SLC35F4: variants seen among roughly 807,000 people sequenced by gnomAD.
The protein encoded by SLC35F4 is solute carrier family 35 member F4.
Under a neutral mutation model 44.2 loss-of-function variants are expected in SLC35F4, and 24 were observed. The observed-to-expected ratio is 0.54, with a 90% CI of 0.39 to 0.76. The LOEUF (loss-of-function observed/expected upper bound fraction) is 0.76, where lower values mean the gene tolerates loss of function less well. Ranked by LOEUF, SLC35F4 falls within the 30% of genes least tolerant of loss-of-function variation. SLC35F4 has a pLI of 0.00. For missense variants in SLC35F4, 562 were observed against 586.1 expected (o/e 0.96, Z 0.42); for synonymous variants, 238 against 223.6 (o/e 1.06, Z -0.57).
intron 1 of SLC35F4, chr14:57,630,138 C>T (rs1380257877): frequency 3.6e-6 from 2 of 552,170 alleles, no homozygotes; most frequent in African/African-American, 3.8e-5. Flanking sequence ...TTGTGGATGG[C>T]AGATTAAAAT....
At chr14:57,883,369 T>C (rs745860582) in intron 1 of SLC35F4, among the ~76,000 whole-genome samples, 5 of 152,184 alleles carry the variant, frequency 3.3e-5, no homozygotes, top group Admixed American at 6.5e-5. Context: ...AGAATCCCTG[T>C]GGTAGTTACT....
At chr14:57,626,024 G>T (rs1255874116) in intron 1 of SLC35F4, among the ~76,000 whole-genome samples, 1 of 151,106 alleles carries the variant, frequency 6.6e-6, no homozygotes. Context: ...CATTTGCAGG[G>T]ACATGGATGA....
chr14:57,829,686 T>C (rs1446288458), intron 1 of SLC35F4, among the ~76,000 whole-genome samples: 1 of 152,188 alleles, frequency 6.6e-6, no homozygotes. Context: ...CTGTGGCTCC[T>C]TTCCTGGGTG....
intron 1 of SLC35F4, among the ~76,000 whole-genome samples, chr14:57,925,815 T>C (rs1020999211): frequency 6.6e-6 from 1 of 152,182 alleles, no homozygotes; most frequent in African/African-American, 2.4e-5. Flanking sequence ...TTACACAAGG[T>C]ACACAATTTG....
At chr14:57,720,107 A>G (rs1302930554) in intron 1 of SLC35F4, among the ~76,000 whole-genome samples, 1 of 152,226 alleles carries the variant, frequency 6.6e-6, no homozygotes, top group African/African-American at 2.4e-5. Context: ...ATGATGTATC[A>G]CATTGTTTGA....
chr14:57,607,287 C>G (rs2071217098), intron 1 of SLC35F4, among the ~76,000 whole-genome samples: 1 of 152,150 alleles, frequency 6.6e-6, no homozygotes, highest in African/African-American at 2.4e-5. Context: ...ATGCTATTAG[C>G]ATATACATAT....
chr14:57,724,908 A>G (rs2076165837), intron 1 of SLC35F4, among the ~76,000 whole-genome samples: 1 of 152,190 alleles, frequency 6.6e-6, no homozygotes, highest in Non-Finnish European at 1.5e-5. Context: ...ATGGCCAGAT[A>G]TGTGATTATA....
chr14:57,979,535 T>C (rs12432730), intron 1 of SLC35F4, among the ~76,000 whole-genome samples: 56,268 of 152,080 alleles, frequency 0.37, 11,102 homozygotes, highest in African/African-American at 0.52. Context: ...TGCTTCAGGA[T>C]TCCTCTGAAG....
intron 1 of SLC35F4, among the ~76,000 whole-genome samples, chr14:57,802,376 A>G (rs561886497): frequency 1.3e-5 from 2 of 152,212 alleles, no homozygotes; most frequent in East Asian, 3.9e-4. Context: ...TCAAAAAGCT[A>G]GAAAGATCTC....
chr14:57,944,105 G>C (rs1889965615), intron 1 of SLC35F4, among the ~76,000 whole-genome samples: 1 of 152,078 alleles, frequency 6.6e-6, no homozygotes, highest in African/African-American at 2.4e-5. Context: ...TCACATTCTT[G>C]TGATTGCAGG....
At chr14:57,622,046 A>T (rs2072209880) in intron 1 of SLC35F4, among the ~76,000 whole-genome samples, 3 of 150,520 alleles carry the variant, frequency 2.0e-5, no homozygotes, top group Admixed American at 6.6e-5. Context: ...ACATTTATGC[A>T]GCCAAAAAAC....
At chr14:57,633,737 T>C (rs920845663) in intron 1 of SLC35F4, among the ~76,000 whole-genome samples, 26 of 152,250 alleles carry the variant, frequency 1.7e-4, no homozygotes, top group African/African-American at 5.8e-4. Flanking sequence ...TCTCCATCAC[T>C]ATATGTCATT....
At chr14:57,762,554 C>T (rs1283524368) in intron 1 of SLC35F4, among the ~76,000 whole-genome samples, 1 of 152,084 alleles carries the variant, frequency 6.6e-6, no homozygotes, top group Non-Finnish European at 1.5e-5. Flanking sequence ...CATCAAAACT[C>T]ATGTTGAAAT....
chr14:57,925,527 GA>G (rs1566931028), intron 1 of SLC35F4, among the ~76,000 whole-genome samples: 1 of 96,444 alleles, frequency 1.0e-5, no homozygotes, highest in African/African-American at 4.2e-5. Flanking sequence ...GGGAGGGAGG[GA>G]GGGAGGGAGG....
chr14:57,785,417 CTCAG>C (rs1177633474), intron 1 of SLC35F4, among the ~76,000 whole-genome samples: 1 of 152,174 alleles, frequency 6.6e-6, no homozygotes, highest in African/African-American at 2.4e-5. Context: ...TTAAAAAGCA[CTCAG>C]TAAGGCAGGA....
chr14:57,855,657 A>T (rs149174226), intron 1 of SLC35F4, among the ~76,000 whole-genome samples: 1,835 of 152,308 alleles, frequency 0.012, 17 homozygotes, highest in Middle Eastern at 0.058. Flanking sequence ...TAGAACTAGA[A>T]ATACCATTTG....
At chr14:57,588,027 A>C (rs2069891850) in intron 3 of SLC35F4, among the ~76,000 whole-genome samples, 2 of 150,190 alleles carry the variant, frequency 1.3e-5, no homozygotes, top group African/African-American at 4.9e-5. Context: ...TCTACTAAAA[A>C]TACAAAAACT....
chr14:57,741,170 C>G (rs930295826), intron 1 of SLC35F4, among the ~76,000 whole-genome samples: 1 of 152,286 alleles, frequency 6.6e-6, no homozygotes, highest in East Asian at 1.9e-4. Flanking sequence ...AAAATCAGAG[C>G]GCCTCTTCTC....
chr14:57,778,364 A>T (rs1323268645), intron 1 of SLC35F4, among the ~76,000 whole-genome samples: 1 of 152,226 alleles, frequency 6.6e-6, no homozygotes, highest in Non-Finnish European at 1.5e-5. Context: ...ACCAACAAAG[A>T]TCAAAAAAGA....
Sources: allele counts gnomAD v4.1 joint callset (sites outside exome capture counted in the v4.1 genomes callset), GRCh38; gene constraint gnomAD v4.1.1; transcripts MANE v1.5; gene names NCBI Gene and HGNC (gene_info 2026-07-23, HGNC 2026-07-21).